SORCS1: variants seen among roughly 807,000 people sequenced by gnomAD.
The protein encoded by SORCS1 is VPS10 domain-containing receptor SorCS1.
Under a neutral mutation model 146.1 loss-of-function variants are expected in SORCS1, and 60 were observed. The observed-to-expected ratio is 0.41, with a 90% CI of 0.33 to 0.51. SORCS1 has a LOEUF of 0.51. Among genes scored for constraint, SORCS1 ranks in the 20% least tolerant of loss-of-function variants. The pLI is 0.21. For missense variants in SORCS1, 1,352 were observed against 1,487.6 expected, an observed-to-expected ratio of 0.91 and a Z score of 1.50; for synonymous variants, 637 against 584.0, an observed-to-expected ratio of 1.09 and a Z score of -1.31.
intron 5 of SORCS1, among the ~76,000 whole-genome samples, chr10:106,759,830 G>A (rs1224051437): frequency 6.6e-6 from 1 of 151,824 alleles, no homozygotes; most frequent in African/African-American, 2.4e-5. Context: ...CATTAATTAG[G>A]CATAAGATTT....
At chr10:106,710,850 A>G (rs571253362) in intron 6 of SORCS1, among the ~76,000 whole-genome samples, 1 of 152,214 alleles carries the variant, frequency 6.6e-6, no homozygotes, top group Admixed American at 6.5e-5. Context: ...ACTTTCTACC[A>G]CTTTAAAGAC....
intron 14 of SORCS1, among the ~76,000 whole-genome samples, chr10:106,674,328 C>CGAAAAAAAAAA (rs1851853572): frequency 3.7e-5 from 1 of 27,374 alleles, no homozygotes; most frequent in Non-Finnish European, 5.4e-5. Context: ...GACTCCGTCT[C>CGAAAAAAAAAA]AAAAAAAAAA....
At chr10:107,001,445 T>C (rs1308876362) in intron 1 of SORCS1, among the ~76,000 whole-genome samples, 1 of 152,038 alleles carries the variant, frequency 6.6e-6, no homozygotes, top group Non-Finnish European at 1.5e-5. Flanking sequence ...TTTTTAGTAA[T>C]CTACTTATAA....
chr10:107,016,961 A>G (rs1047393848), intron 1 of SORCS1, among the ~76,000 whole-genome samples: 1 of 152,232 alleles, frequency 6.6e-6, no homozygotes, highest in African/African-American at 2.4e-5. Flanking sequence ...TCACAGTGAT[A>G]TTCTGTACAT....
chr10:106,669,117 T>C (rs1030289452), intron 16 of SORCS1, among the ~76,000 whole-genome samples: 1 of 151,994 alleles, frequency 6.6e-6, no homozygotes, highest in African/African-American at 2.4e-5. Context: ...CCGATTCCAA[T>C]CACAAATGAA....
At chr10:107,174,331 G>A in the SORCS1 span, among the ~76,000 whole-genome samples, 42 of 152,032 alleles carry the variant, frequency 2.8e-4, no homozygotes, top group Middle Eastern at 6.8e-3. Flanking sequence ...TCAGCTTCCC[G>A]AGTAGCTGGG....
intron 2 of SORCS1, among the ~76,000 whole-genome samples, chr10:106,911,058 T>C (rs1212048338): frequency 6.6e-6 from 1 of 152,228 alleles, no homozygotes; most frequent in East Asian, 1.9e-4. Context: ...TTAAACTCTC[T>C]AAGCTCCAGG....
At chr10:106,849,524 G>A (rs1431177910) in intron 2 of SORCS1, among the ~76,000 whole-genome samples, 1 of 148,842 alleles carries the variant, frequency 6.7e-6, no homozygotes, top group African/African-American at 2.5e-5. Flanking sequence ...CTTTGCCTTT[G>A]GTTTGAATGT....
intron 1 of SORCS1, among the ~76,000 whole-genome samples, chr10:106,962,746 C>T (rs1036271353): frequency 6.6e-6 from 1 of 152,188 alleles, no homozygotes; most frequent in African/African-American, 2.4e-5. Context: ...CTCCACAGCA[C>T]TTAGCCATAC....
At chr10:106,995,953 G>T (rs1956978178) in intron 1 of SORCS1, among the ~76,000 whole-genome samples, 1 of 152,102 alleles carries the variant, frequency 6.6e-6, no homozygotes, top group Non-Finnish European at 1.5e-5. Flanking sequence ...ATGAGGCCAG[G>T]TGCGGTGGCT....
intron 1 of SORCS1, among the ~76,000 whole-genome samples, chr10:107,133,357 G>A (rs1022496595): frequency 2.6e-5 from 4 of 152,064 alleles, no homozygotes; most frequent in African/African-American, 9.7e-5. Flanking sequence ...GGGGGCTCAA[G>A]ACAACTGCAT....
chr10:106,891,821 G>A (rs1951248940), intron 2 of SORCS1, among the ~76,000 whole-genome samples: 1 of 152,100 alleles, frequency 6.6e-6, no homozygotes, highest in African/African-American at 2.4e-5. Flanking sequence ...AAGACATACA[G>A]GAGAATTAAC....
At chr10:107,168,103 A>G (rs1323309805), upstream of SORCS1, among the ~76,000 whole-genome samples, 2 of 152,124 alleles carry the variant, frequency 1.3e-5, no homozygotes, top group Admixed American at 6.5e-5. Context: ...AGGATTCTCT[A>G]CCCTCATCCT....
At chr10:106,829,285 C>T (rs1948435122) in intron 3 of SORCS1, among the ~76,000 whole-genome samples, 1 of 152,204 alleles carries the variant, frequency 6.6e-6, no homozygotes, top group South Asian at 2.1e-4. Context: ...ATTGACTGGT[C>T]AGAACTCTTA....
chr10:106,857,731 C>T (rs1324224493), intron 2 of SORCS1, among the ~76,000 whole-genome samples: 1 of 152,188 alleles, frequency 6.6e-6, no homozygotes, highest in East Asian at 1.9e-4. Context: ...TTTAACCTGT[C>T]AGTGCAACTG....
intron 1 of SORCS1, among the ~76,000 whole-genome samples, chr10:107,102,491 G>T (rs1964995112): frequency 6.6e-6 from 1 of 152,192 alleles, no homozygotes; most frequent in Non-Finnish European, 1.5e-5. Flanking sequence ...TCAGTGGCTG[G>T]CATTTTTAAT....
chr10:106,889,980 C>T (rs1951167940), intron 2 of SORCS1, among the ~76,000 whole-genome samples: 1 of 150,044 alleles, frequency 6.7e-6, no homozygotes, highest in Non-Finnish European at 1.5e-5. Context: ...TACTATTTCT[C>T]AATTACACTA....
At chr10:106,759,961 T>C (rs1858951953) in intron 5 of SORCS1, among the ~76,000 whole-genome samples, 1 of 152,176 alleles carries the variant, frequency 6.6e-6, no homozygotes, top group Admixed American at 6.5e-5. Flanking sequence ...ACAGCTACCA[T>C]TTATGTAAAT....
intron 1 of SORCS1, among the ~76,000 whole-genome samples, chr10:107,052,658 C>T (rs555601342): frequency 6.6e-6 from 1 of 152,272 alleles, no homozygotes; most frequent in African/African-American, 2.4e-5. Flanking sequence ...AACGACATTA[C>T]AGAAATCTTA....
Sources: allele counts gnomAD v4.1 joint callset (sites outside exome capture counted in the v4.1 genomes callset), GRCh38; gene constraint gnomAD v4.1.1; transcripts MANE v1.5; gene names NCBI Gene and HGNC (gene_info 2026-07-23, HGNC 2026-07-21).